Variants in NUP42 observed in about 807,000 individuals in gnomAD.
NUP42 encodes nucleoporin 42, also known as nucleoporin NUP42.
Under a neutral mutation model 35.9 loss-of-function variants are expected in NUP42, and 47 were observed. The observed-to-expected ratio is 1.31, with a 90% CI of 1.04 to 1.67. The LOEUF (loss-of-function observed/expected upper bound fraction) is 1.67. NUP42 is among the 40% of genes most tolerant of loss of function. The pLI, the probability that NUP42 is intolerant of heterozygous loss-of-function variation, is 0.00. For missense variants in NUP42, 514 were observed against 492.2 expected, an observed-to-expected ratio of 1.04 and a Z score of -0.42; for synonymous variants, 173 against 173.3, an observed-to-expected ratio of 1.00 and a Z score of 0.01.
At position 23,200,038 on chromosome 7, in the gene NUP42, G is replaced by A. The variant is rs1583782108; in HGVS notation, c.695-130G>A. 12 of 686,506 alleles carry A rather than the reference G, an allele frequency of 1.7e-5. No individual in the cohort carries two copies. In the East Asian group the frequency reaches 2.2e-4, roughly 13 times the overall value. 42.5% of individuals were successfully genotyped at this position (686,506 alleles called of 1,614,324 possible). On this transcript the variant is annotated intron_variant, in intron 6 of 6. Transcript: ENST00000258742. ...CATTTTTACTTTCCTCATCTCGTCC[G>A]TCCAGTAAGCTTCTCAACACTGAAA...
intron 3 of NUP42, among the ~76,000 whole-genome samples, chr7:23,187,755 C>A (rs367844643): frequency 1.3e-5 from 2 of 151,500 alleles, no homozygotes; most frequent in South Asian, 4.2e-4. Flanking sequence ...TACAGTTGCC[C>A]GCTACCACAC....
Position 23,187,063 on chromosome 7 carries a change from T to C in NUP42, c.362T>C (p.Val121Ala). 1 of 1,584,502 alleles carries C rather than the reference T, an allele frequency of 6.3e-7. No homozygotes were observed. Among genetic ancestry groups the C allele is most frequent in the Non-Finnish European group, 8.6e-7 (1 of 1,167,646 alleles). The change falls in exon 3 of 7, where the codon GTA (valine) becomes GCA (alanine). Residue 121 changes from valine (V) to alanine (A), a missense_variant. Coordinates refer to ENST00000258742, the MANE Select transcript of NUP42 (RefSeq NM_007342.3). ...KDEKKLLEGI[V>A]KDMEVWESSG... ...TTTCTTTTTTGCAGGGAAGGAATTGTAAAAGATATGGAGGTTTGGGAATCA... is the reference window on the plus strand; with the variant it reads ...TTTCTTTTTTGCAGGGAAGGAATTGCAAAAGATATGGAGGTTTGGGAATCA...
At chr7:23,191,951 G>C (rs1785807313) in intron 3 of NUP42, among the ~76,000 whole-genome samples, 1 of 151,982 alleles carries the variant, frequency 6.6e-6, no homozygotes, top group Admixed American at 6.6e-5. Context: ...GAATGAGACT[G>C]TGTCTCAAAA....
chr7:23,195,592 T>A (rs1785985018), intron 3 of NUP42: 1 of 343,012 alleles, frequency 2.9e-6, no homozygotes, highest in Non-Finnish European at 5.2e-6. Context: ...CTCCTGTGTT[T>A]GTTGTTCATT....
chr7:23,185,394 A>G, intron 2 of NUP42, 96 bp downstream of exon 2: 1 of 827,648 alleles, frequency 1.2e-6, no homozygotes, highest in South Asian at 1.8e-5. Context: ...ATCTTTTCAC[A>G]ATACAATATT....
intron 1 of NUP42, 37 bp downstream of exon 1, chr7:23,182,243 G>A: frequency 1.3e-6 from 2 of 1,569,872 alleles, no homozygotes; most frequent in Non-Finnish European, 1.7e-6. Context: ...TAACCGAGCC[G>A]GGAAGGGTCC....
intron 3 of NUP42, among the ~76,000 whole-genome samples, chr7:23,191,364 C>T (rs1464326476): frequency 1.3e-5 from 2 of 152,162 alleles, no homozygotes; most frequent in Non-Finnish European, 2.9e-5. Flanking sequence ...AGTTAGAAGA[C>T]ATTGCTGCTT....
At chr7:23,193,744 T>G (rs1175257146) in intron 3 of NUP42, among the ~76,000 whole-genome samples, 2 of 152,164 alleles carry the variant, frequency 1.3e-5, no homozygotes, top group Non-Finnish European at 2.9e-5. Flanking sequence ...TCCTCAGCCC[T>G]TGGGTGGTCG....
intron 5 of NUP42, among the ~76,000 whole-genome samples, chr7:23,197,470 T>C (rs1457933459): frequency 2.0e-5 from 3 of 152,242 alleles, no homozygotes; most frequent in Non-Finnish European, 4.4e-5. Flanking sequence ...ACTAGACTCT[T>C]GTGCAAGCTA....
Position 23,200,239 on chromosome 7 carries a change from G to T in NUP42, c.766G>T (p.Ala256Ser). 1 of 1,603,522 alleles carries T rather than the reference G, an allele frequency of 6.2e-7. No individual in the cohort carries two copies. Among genetic ancestry groups the T allele is most frequent in the Non-Finnish European group, 8.5e-7 (1 of 1,173,500 alleles). Residue 256 changes from alanine (A) to serine (S), a missense_variant, in exon 7 of 7, where the codon GCT becomes TCT. Physicochemically the swap from Ala to Ser is moderately conservative, Grantham distance 99 (BLOSUM62 1). Transcript: ENST00000258742. ...FSFKTNSGFA[A>S]ASSGSPAGFG... ...TTTTAAAACAAACTCTGGATTTGCT[G>T]CTGCCTCTTCTGGAAGCCCTGCTGG...
chr7:23,188,121 A>G, intron 3 of NUP42: 1 of 1,373,072 alleles, frequency 7.3e-7, no homozygotes, highest in Non-Finnish European at 9.4e-7. Flanking sequence ...CTTTTGAGGA[A>G]ACAGTGGGTA....
intron 3 of NUP42, chr7:23,195,461 T>TTATATA (rs1785980464): frequency 6.2e-6 from 1 of 160,746 alleles, no homozygotes; most frequent in African/African-American, 2.4e-5. Flanking sequence ...AGTTCTTCTC[T>TTATATA]TGTCATATAT....
In NUP42 at chr7:23,200,517, G is replaced by A. The variant is rs747348104; in HGVS notation, c.1044G>A (p.Pro348=). ...GTTCTGTGGCTGGTTTTGGTAGTCCGGGCTCACATTCTCACACTGCTTTTT... is the reference window on the plus strand; with the variant it reads ...GTTCTGTGGCTGGTTTTGGTAGTCCAGGCTCACATTCTCACACTGCTTTTT... The part of the protein sequence containing the change: ...GGSSVAGFGS[P]GSHSHTAFSK... The change falls in exon 7 of 7, where the codon CCG becomes CCA. Residue 348 remains proline, a synonymous_variant. Coordinates refer to ENST00000258742, the MANE Select transcript of NUP42 (RefSeq NM_007342.3). 1.2e-5 allele frequency: 20 copies of A among 1,613,812 alleles called. No individual in the cohort carries two copies. Among genetic ancestry groups the A allele is most frequent in the East Asian group, 2.2e-5 (1 of 44,886 alleles).
At chr7:23,191,559 A>G (rs1785793094) in intron 3 of NUP42, among the ~76,000 whole-genome samples, 1 of 152,220 alleles carries the variant, frequency 6.6e-6, no homozygotes, top group African/African-American at 2.4e-5. Flanking sequence ...GAATCCAGGG[A>G]AACATTTAGT....
rs971297374 is a variant in NUP42, at chr7:23,197,261, T to G, written c.609+495T>G. ...TTCATTATCTTTGTAAATAAAGTTATGATGTTTCTACACCCATTAAAAAGT... is the reference window on the plus strand; with the variant it reads ...TTCATTATCTTTGTAAATAAAGTTAGGATGTTTCTACACCCATTAAAAAGT... On this transcript the variant is annotated intron_variant, in intron 5 of 6. Coordinates refer to ENST00000258742, the MANE Select transcript of NUP42 (RefSeq NM_007342.3). 4 of 1,253,306 alleles carry G rather than the reference T, an allele frequency of 3.2e-6. No individual in the cohort carries two copies. In the African/African-American group the frequency reaches 4.6e-5, roughly 15 times the overall value. 77.6% of individuals were successfully genotyped at this position (1,253,306 alleles called of 1,614,324 possible).
chr7:23,196,045 T>G (rs1054962600), intron 4 of NUP42, 130 bp downstream of exon 4: 12 of 418,494 alleles, frequency 2.9e-5, no homozygotes, highest in African/African-American at 4.1e-5. Context: ...GCTATTTTTC[T>G]TTTCTATATT....
intron 3 of NUP42, among the ~76,000 whole-genome samples, chr7:23,187,674 T>G (rs1785641559): frequency 6.9e-6 from 1 of 143,994 alleles, no homozygotes; most frequent in South Asian, 2.3e-4. Context: ...TGACGCGATC[T>G]CGGCTCACTG....
At position 23,200,481 on chromosome 7, in the gene NUP42, T is replaced by A. The variant is rs1279730182; in HGVS notation, c.1008T>A (p.Phe336Leu). The A allele has an allele frequency of 2.5e-6, 4 of 1,614,190 alleles. No individual in the cohort carries two copies. In the Admixed American group the frequency reaches 6.7e-5, roughly 27 times the overall value. Residue 336 changes from phenylalanine to leucine, a missense_variant, in exon 7 of 7, where the codon TTT becomes TTA. Coordinates refer to ENST00000258742, the MANE Select transcript of NUP42 (RefSeq NM_007342.3). ...TCAGAGCTCCAGTGGCCCCAGCCTT[T>A]GGAGGTGGCAGTTCTGTGGCTGGTT... ...GPVRAPVAPA[F>L]GGGSSVAGFG...
intron 5 of NUP42, among the ~76,000 whole-genome samples, chr7:23,199,038 T>C (rs1035261526): frequency 6.6e-6 from 1 of 152,246 alleles, no homozygotes; most frequent in African/African-American, 2.4e-5. Flanking sequence ...TACAGTATTA[T>C]GTCTTATCCT....
Sources: gnomAD v4.1 joint callset for allele counts (sites outside exome capture counted in the v4.1 genomes callset) on GRCh38, gnomAD v4.1.1 for gene constraint, MANE v1.5 for transcripts, NCBI Gene and HGNC (gene_info 2026-07-23, HGNC 2026-07-21) for gene names.